UBE3B: variants seen among roughly 807,000 people sequenced by gnomAD.
UBE3B encodes the protein ubiquitin-protein ligase E3B.
In UBE3B, 80 loss-of-function variants were observed where a neutral mutation model predicts 132.3. That is an observed-to-expected ratio of 0.60 (90% CI 0.50 to 0.73). The LOEUF (loss-of-function observed/expected upper bound fraction) is 0.73. Among genes scored for constraint, UBE3B ranks in the 30% least tolerant of loss-of-function variants. The pLI is 0.00. For synonymous variants in UBE3B, 487 were observed against 520.4 expected (o/e 0.94, Z 0.87); for missense variants, 1,196 against 1,362.5 (o/e 0.88, Z 1.92).
rs756519602 is a variant in UBE3B at position 109,499,629 on chromosome 12, G to C, written c.941-4G>C. On this transcript the variant is annotated splice_region_variant and splice_polypyrimidine_tract_variant and intron_variant, in intron 11 of 27. Coordinates refer to ENST00000342494, the MANE Select transcript of UBE3B (RefSeq NM_130466.4). Reference sequence around the variant, plus strand: ...CCATCACACTCAGCCTTCTCTCTCTGTAGGCAACCTCCTACACTTGGGCTC... The same window carrying C: ...CCATCACACTCAGCCTTCTCTCTCTCTAGGCAACCTCCTACACTTGGGCTC... 15 of 1,585,330 alleles carry C rather than the reference G, an allele frequency of 9.5e-6. No homozygotes were observed. The highest frequency in any genetic ancestry group is 2.3e-5 in the East Asian group (1 of 42,766).
At chr12:109,519,190 T>G (rs377657901) in intron 19 of UBE3B, among the ~76,000 whole-genome samples, 17 of 152,314 alleles carry the variant, frequency 1.1e-4, no homozygotes, top group South Asian at 6.2e-4. Flanking sequence ...CCAGAGAACT[T>G]CAGTCAAGGT....
the UBE3B span, among the ~76,000 whole-genome samples, chr12:109,545,530 G>C: frequency 1.3e-5 from 2 of 152,216 alleles, no homozygotes; most frequent in African/African-American, 4.8e-5. Flanking sequence ...CTGAGGTCAG[G>C]AGCTGGTCAT....
intron 1 of UBE3B, 93 bp downstream of exon 1, chr12:109,478,202 C>G (rs1874652954): frequency 6.6e-6 from 1 of 152,166 alleles, no homozygotes; most frequent in African/African-American, 2.4e-5. Flanking sequence ...GTTTTAGTAC[C>G]GTGCCTGACA....
downstream of UBE3B, among the ~76,000 whole-genome samples, chr12:109,539,054 G>A (rs981000214): frequency 2.6e-5 from 4 of 152,154 alleles, no homozygotes; most frequent in Non-Finnish European, 4.4e-5. Flanking sequence ...TGGCCAATAC[G>A]GTGAAACCCT....
intron 26 of UBE3B, among the ~76,000 whole-genome samples, chr12:109,530,958 C>A (rs1029678501): frequency 1.3e-5 from 2 of 152,148 alleles, no homozygotes; most frequent in Non-Finnish European, 2.9e-5. Flanking sequence ...TTGATAACAT[C>A]TTTTTTCTTT....
At chr12:109,543,468 A>G in the UBE3B span, among the ~76,000 whole-genome samples, 4 of 152,160 alleles carry the variant, frequency 2.6e-5, no homozygotes, top group African/African-American at 9.7e-5. Flanking sequence ...AGGAGGTAAT[A>G]GTCCTATTCT....
At chr12:109,546,829 C>T in the UBE3B span, among the ~76,000 whole-genome samples, 1 of 152,258 alleles carries the variant, frequency 6.6e-6, no homozygotes, top group African/African-American at 2.4e-5. Flanking sequence ...CCCACCTCAG[C>T]CTCCCGAGTG....
At position 109,510,388 on chromosome 12, in the gene UBE3B, G is replaced by A. The variant is rs534563601; in HGVS notation, c.1786G>A (p.Gly596Arg). 9 of 1,612,760 alleles carry A rather than the reference G, an allele frequency of 5.6e-6. No individual in the cohort carries two copies. The highest frequency in any genetic ancestry group is 3.3e-5 in the Admixed American group (2 of 59,850). Residue 596 changes from glycine (G) to arginine (R), a missense_variant, in exon 17 of 28, where the codon GGG becomes AGG. Gly to Arg is a moderately radical substitution (Grantham distance 125). Coordinates refer to ENST00000342494, the MANE Select transcript of UBE3B (RefSeq NM_130466.4). Reference sequence around the variant, plus strand: ...CTTGGAGCTGTTCCAGTCTGTCCACGGGTGGCTTATGGTGCTGTACGAGCG... The same window carrying A: ...CTTGGAGCTGTTCCAGTCTGTCCACAGGTGGCTTATGGTGCTGTACGAGCG... ...ETLELFQSVH[G>R]WLMVLYERDC... is the part of the protein sequence containing the mutation.
chr12:109,503,599 AC>A (rs1879277035), intron 14 of UBE3B, among the ~76,000 whole-genome samples: 1 of 152,222 alleles, frequency 6.6e-6, no homozygotes, highest in African/African-American at 2.4e-5. Context: ...AATATACAGC[AC>A]TATGCTTTCC....
Position 109,529,100 on chromosome 12 carries a change from G to A in UBE3B, c.2628-790G>A, listed in dbSNP as rs543590186. Among the ~76,000 whole-genome samples, 14 of 152,266 alleles carry A rather than the reference G, an allele frequency of 9.2e-5. No homozygotes were observed. In the South Asian group the frequency reaches 2.1e-3, roughly 23 times the overall value. The stretch of plus-strand genomic sequence containing the variant: ...CGCTTGAACCCGGGAGTCAGAGGTC[G>A]CAGTGAGCTGAGATCGCACCACTGC... On this transcript the variant is annotated intron_variant, in intron 24 of 27. Transcript: ENST00000342494.
chr12:109,545,221 C>T, the UBE3B span, among the ~76,000 whole-genome samples: 1 of 152,222 alleles, frequency 6.6e-6, no homozygotes. Context: ...GTGAAGTCTG[C>T]TGGGTGGCTT....
At chr12:109,508,790 T>C in intron 15 of UBE3B, 3 of 955,774 alleles carry the variant, frequency 3.1e-6, no homozygotes, top group Non-Finnish European at 3.7e-6. Context: ...AGCTGTGTCT[T>C]AAATGGCTCA....
chr12:109,521,253 G>C lies in UBE3B; in HGVS notation c.2182G>C (p.Asp728His), dbSNP rs765252784. 2.7e-5 allele frequency: 44 copies of C among 1,614,100 alleles called. No individual in the cohort carries two copies. Among genetic ancestry groups the C allele is most frequent in the Non-Finnish European group, 3.7e-5 (44 of 1,180,052 alleles). Residue 728 changes from aspartate (D) to histidine (H), a missense_variant, in exon 20 of 28, where the codon GAC (aspartate) becomes CAC (histidine). Physicochemically the swap from Asp to His is moderately conservative, Grantham distance 81. Transcript: ENST00000342494. The surrounding 1 kb of genome is among the most constrained non-coding windows in gnomAD (Gnocchi z 4.2). Reference protein sequence around the residue: ...LGVDEAGIDQDGVFKEFLEEI... With the variant: ...LGVDEAGIDQHGVFKEFLEEI... ...GGTGGACGAAGCAGGGATTGATCAA[G>C]ACGGTGTTTTTAAGGAGTTCTTGGA... is the stretch of plus-strand genomic sequence containing the variant.
At chr12:109,494,831 C>T (rs889286073) in intron 9 of UBE3B, among the ~76,000 whole-genome samples, 1 of 152,192 alleles carries the variant, frequency 6.6e-6, no homozygotes, top group Non-Finnish European at 1.5e-5. Flanking sequence ...TGATACGTCG[C>T]TCCCAGTCAG....
Position 109,523,978 on chromosome 12 carries a change from G to T in UBE3B, c.2365G>T (p.Gly789Ter). Residue 789 changes from glycine to a stop codon, truncating the protein, a stop_gained and splice_region_variant, in exon 22 of 28, where the codon GGA becomes TGA. Coordinates refer to ENST00000342494, the MANE Select transcript of UBE3B (RefSeq NM_130466.4). LOFTEE classifies it high-confidence loss of function. ...CAGCTCTGCTTCTCTGCTCTCCCAG[G>T]GAATTGTGGTGGACGTGCCATTTGC... Reference protein sequence around the residue: ...GKMLGKAVYEGIVVDVPFASF... With the variant: ...GKMLGKAVYE The T allele has an allele frequency of 4.3e-6, 7 of 1,613,852 alleles. No individual in the cohort carries two copies. The highest frequency in any genetic ancestry group is 5.9e-6 in the Non-Finnish European group (7 of 1,180,004).
At chr12:109,514,156 G>A (rs1179822054) in intron 18 of UBE3B, among the ~76,000 whole-genome samples, 1 of 152,180 alleles carries the variant, frequency 6.6e-6, no homozygotes, top group Non-Finnish European at 1.5e-5. Flanking sequence ...ACCTGTTTAT[G>A]TGTGACTCAT....
chr12:109,514,996 C>G (rs560781931), intron 18 of UBE3B, among the ~76,000 whole-genome samples: 1 of 151,912 alleles, frequency 6.6e-6, no homozygotes, highest in Admixed American at 6.5e-5. Flanking sequence ...TCACTGCAAG[C>G]TCCACCTACC....
downstream of UBE3B, among the ~76,000 whole-genome samples, chr12:109,537,092 C>T (rs1159884261): frequency 6.6e-6 from 1 of 152,088 alleles, no homozygotes; most frequent in Non-Finnish European, 1.5e-5. Flanking sequence ...TCAAGTGATC[C>T]GCCCACCTTG....
chr12:109,505,076 C>A (rs754781555), intron 14 of UBE3B, among the ~76,000 whole-genome samples: 2 of 152,122 alleles, frequency 1.3e-5, no homozygotes, highest in Admixed American at 6.5e-5. Flanking sequence ...CATTGAAGCT[C>A]ATTTTCCCAA....
Sources: gnomAD v4.1 joint callset for allele counts (sites outside exome capture counted in the v4.1 genomes callset) on GRCh38, gnomAD v4.1.1 for gene constraint, Gnocchi (gnomAD v3.1) non-coding constraint, MANE v1.5 for transcripts, NCBI Gene and HGNC (gene_info 2026-07-23, HGNC 2026-07-21) for gene names.